Variants in TOPBP1 observed in about 807,000 individuals in gnomAD.
TOPBP1 encodes the protein DNA topoisomerase 2-binding protein 1.
A neutral mutation model predicts 167.7 loss-of-function variants in TOPBP1; 28 were observed. The ratio of observed to expected loss-of-function variants is 0.17; its 90% CI spans 0.12 to 0.23. The LOEUF is 0.23. Among genes scored for constraint, TOPBP1 ranks in the 10% least tolerant of loss-of-function variants. TOPBP1 has a pLI of 1.00. For missense variants in TOPBP1, 1,554 were observed against 1,809.6 expected, an observed-to-expected ratio of 0.86 and a Z score of 2.56; for synonymous variants, 598 against 611.4, an observed-to-expected ratio of 0.98 and a Z score of 0.32.
intron 9 of TOPBP1, 38 bp downstream of exon 9, chr3:133,649,742 T>G: frequency 6.3e-7 from 1 of 1,583,574 alleles, no homozygotes. Flanking sequence ...AGAAAAATTA[T>G]GTAGTAGAAA....
intron 12 of TOPBP1, among the ~76,000 whole-genome samples, chr3:133,640,946 C>A (rs1017527595): frequency 6.6e-6 from 1 of 152,114 alleles, no homozygotes; most frequent in Non-Finnish European, 1.5e-5. Context: ...ATATTAAACA[C>A]AGAGAATACG....
At chr3:133,627,782 G>C (rs549027332) in intron 16 of TOPBP1, among the ~76,000 whole-genome samples, 2 of 152,070 alleles carry the variant, frequency 1.3e-5, no homozygotes, top group African/African-American at 4.8e-5. Context: ...TCTCAATTCT[G>C]GATACTGATG....
At position 133,659,010 on chromosome 3, in the gene TOPBP1, G is replaced by A. The variant is rs772331650; in HGVS notation, c.219+6C>T. On this transcript the variant is annotated splice_donor_region_variant and intron_variant, in intron 3 of 27. Transcript: ENST00000260810. ...TACCAAAGGTACACACTAGAAGTCA[G>A]CAAACCTTTTTGAGGTGATCAAAGA... 4 of 1,593,252 alleles carry A rather than the reference G, an allele frequency of 2.5e-6. No homozygotes were observed. In the Admixed American group the frequency reaches 7.1e-5, roughly 28 times the overall value.
At chr3:133,641,921 G>C (rs1209736212) in intron 12 of TOPBP1, among the ~76,000 whole-genome samples, 2 of 152,158 alleles carry the variant, frequency 1.3e-5, no homozygotes, top group Non-Finnish European at 2.9e-5. Context: ...ACAGAATCTT[G>C]CTAACTACCC....
chr3:133,610,408 T>C (rs1253233724), intron 25 of TOPBP1, among the ~76,000 whole-genome samples: 4 of 152,300 alleles, frequency 2.6e-5, no homozygotes, highest in East Asian at 3.9e-4. Flanking sequence ...TGTGGCCTAA[T>C]AGTTTCTCTT....
At chr3:133,643,708 T>A (rs1935976092) in intron 11 of TOPBP1, among the ~76,000 whole-genome samples, 1 of 151,150 alleles carries the variant, frequency 6.6e-6, no homozygotes. Flanking sequence ...AAAAAAAAAA[T>A]CAACAGTGAA....
chr3:133,609,716 G>T (rs1369757759), intron 25 of TOPBP1, among the ~76,000 whole-genome samples: 1 of 152,174 alleles, frequency 6.6e-6, no homozygotes, highest in Non-Finnish European at 1.5e-5. Flanking sequence ...GGACGTGTTT[G>T]CTTCTTACAT....
chr3:133,642,970 C>A (rs1204723179), intron 12 of TOPBP1, among the ~76,000 whole-genome samples: 2 of 152,042 alleles, frequency 1.3e-5, no homozygotes, highest in East Asian at 3.9e-4. Context: ...TGTTTGGACC[C>A]ACTGCAGTTA....
chr3:133,606,024 CCCCTTG>C (rs1470140279), intron 27 of TOPBP1, among the ~76,000 whole-genome samples: 1 of 151,666 alleles, frequency 6.6e-6, no homozygotes, highest in Non-Finnish European at 1.5e-5. Context: ...TCTACCCCTT[CCCCTTG>C]CCAAAAAAAA....
Position 133,643,339 on chromosome 3 carries a change from G to A in TOPBP1, c.1882C>T (p.Pro628Ser), listed in dbSNP as rs1288768298. Residue 628 changes from proline (P) to serine (S), a missense_variant, in exon 12 of 28, where the codon CCA becomes TCA. By Grantham distance (74) the Pro-to-Ser change is moderately conservative. Coordinates refer to ENST00000260810, the MANE Select transcript of TOPBP1 (RefSeq NM_007027.4). ...GGTGTGAAGAGAGGATTCGACTTTG[G>A]ATCAAACAAAGTCTGATAGTCTATG... ...TCIDYQTLFD[P>S]KSNPLFTPVP... is the part of the protein sequence containing the mutation. 6.2e-7 allele frequency: 1 copy of A among 1,605,790 alleles called. No individual in the cohort carries two copies. The highest frequency in any genetic ancestry group is 1.7e-5 in the Admixed American group (1 of 58,222).
At chr3:133,650,912 C>G (rs929438642) in intron 8 of TOPBP1, among the ~76,000 whole-genome samples, 1 of 151,968 alleles carries the variant, frequency 6.6e-6, no homozygotes, top group African/African-American at 2.4e-5. Flanking sequence ...AGTTCAAGAC[C>G]AGCCTGGCCA....
chr3:133,616,498 A>G (rs1333321251), intron 23 of TOPBP1, among the ~76,000 whole-genome samples: 7 of 152,194 alleles, frequency 4.6e-5, no homozygotes, highest in Non-Finnish European at 8.8e-5. Context: ...TTAACCTTTC[A>G]AGTTCATTAA....
rs1559824581 is a variant in TOPBP1 at position 133,640,221 on chromosome 3, G to GC, written c.2022-52dup. On this transcript the variant is annotated intron_variant, in intron 12 of 27. Transcript: ENST00000260810. ...AAATGGTCACATATACAATTAACCC[G>GC]CAAAACTAACAAAATTTCCAACACA... 2.2e-5 allele frequency: 32 copies of GC among 1,479,922 alleles called. No individual in the cohort carries two copies. The South Asian group carries it at 3.5e-4, about 16-fold the overall frequency. 91.7% of individuals were successfully genotyped at this position (1,479,922 alleles called of 1,614,324 possible).
chr3:133,649,815 A>G lies in TOPBP1; in HGVS notation c.1218T>C (p.Asp406=). 1.2e-6 allele frequency: 2 copies of G among 1,607,396 alleles called. No individual in the cohort carries two copies. The highest frequency in any genetic ancestry group is 1.7e-6 in the Non-Finnish European group (2 of 1,178,464). Residue 406 remains aspartate (D), a synonymous_variant, in exon 9 of 28, where the codon GAT becomes GAC. Transcript: ENST00000260810. The part of the protein sequence containing the change: ...VTHVIVGDYD[D]ELKQFWNKSA... ...ATTTATTCCAAAACTGCTTCAATTC[A>G]TCATCATAATCTCCCACAATAACAT... is the stretch of plus-strand genomic sequence containing the variant.
intron 13 of TOPBP1, among the ~76,000 whole-genome samples, chr3:133,638,989 A>G (rs1327143939): frequency 6.6e-6 from 1 of 152,178 alleles, no homozygotes; most frequent in African/African-American, 2.4e-5. Context: ...GGTGAAACAA[A>G]AAACATTATA....
intron 19 of TOPBP1, 23 bp downstream of exon 19, chr3:133,623,068 A>T: frequency 6.9e-7 from 1 of 1,441,892 alleles, no homozygotes; most frequent in Non-Finnish European, 9.2e-7. Flanking sequence ...AAATTTTTTT[A>T]ATTAAAAAAT....
At chr3:133,636,218 A>AT (rs1163420449) in intron 14 of TOPBP1, among the ~76,000 whole-genome samples, 1 of 152,186 alleles carries the variant, frequency 6.6e-6, no homozygotes, top group Non-Finnish European at 1.5e-5. Flanking sequence ...CATTAGCAGT[A>AT]TATTTATTGT....
Position 133,624,189 on chromosome 3 carries a change from T to C in TOPBP1, c.2805-14A>G, listed in dbSNP as rs746245979. The C allele has an allele frequency of 1.2e-6, 2 of 1,609,192 alleles. No homozygotes were observed. The highest frequency in any genetic ancestry group is 3.4e-5 in the Admixed American group (2 of 58,882). ...TCAAAACTCCACCTGAAATAACCAA[T>C]ACAAAAAAACAAATAACCAAGAGAA... On this transcript the variant is annotated splice_polypyrimidine_tract_variant and intron_variant, in intron 16 of 27. Transcript: ENST00000260810.
At chr3:133,625,091 T>C (rs1379398749) in intron 16 of TOPBP1, among the ~76,000 whole-genome samples, 2 of 152,168 alleles carry the variant, frequency 1.3e-5, no homozygotes, top group Non-Finnish European at 2.9e-5. Flanking sequence ...CTCAGCCTCC[T>C]GAGCAGCTGG....
Sources: allele counts gnomAD v4.1 joint callset (sites outside exome capture counted in the v4.1 genomes callset), GRCh38; gene constraint gnomAD v4.1.1; transcripts MANE v1.5; gene names NCBI Gene and HGNC (gene_info 2026-07-23, HGNC 2026-07-21).